MAST4: variants seen among roughly 807,000 people sequenced by gnomAD.
The protein encoded by MAST4 is microtubule associated serine/threonine kinase family member 4.
In MAST4, 89 loss-of-function variants were observed where a neutral mutation model predicts 162.7. The ratio of observed to expected loss-of-function variants is 0.55; its 90% confidence interval spans 0.46 to 0.65. The LOEUF is 0.65. MAST4 is among the 30% of genes least tolerant of loss of function. MAST4 has a pLI of 0.00. For missense variants in MAST4, 3,153 were observed against 3,374.0 expected (o/e 0.93, Z 1.62); for synonymous variants, 1,479 against 1,361.1 (o/e 1.09, Z -1.91).
intron 2 of MAST4, 132 bp from the exon 3 acceptor site, chr5:66,788,538 T>C: frequency 8.3e-7 from 1 of 1,198,522 alleles, no homozygotes; most frequent in Non-Finnish European, 1.2e-6. Context: ...GCTATTAATG[T>C]TATTACTGGG....
Position 67,165,142 on chromosome 5 carries a change from C to T in MAST4, c.5963C>T (p.Ala1988Val), listed in dbSNP as rs374086508. The part of the protein sequence containing the change: ...PPTARSERSA[A>V]RADTCREPSM... ...ACAGCCAGAAGCGAGCGCTCTGCTG[C>T]GAGGGCTGACACATGCAGAGAGCCC... Residue 1988 changes from alanine to valine, a missense_variant, in exon 29 of 29, where the codon GCG becomes GTG. Ala to Val is a moderately conservative substitution (Grantham distance 64). Around this residue, in one of 7 missense-constraint regions of MAST4, gnomAD observed 1,644 missense variants for 1,495.0 expected, o/e 1.10. Coordinates refer to ENST00000403625, the MANE Select transcript of MAST4 (RefSeq NM_001164664.2). The T allele has an allele frequency of 6.3e-6, 10 of 1,591,736 alleles. No individual in the cohort carries two copies. In the East Asian group the frequency reaches 9.1e-5, roughly 15 times the overall value.
intron 3 of MAST4, among the ~76,000 whole-genome samples, chr5:66,850,021 A>T (rs1198164546): frequency 6.6e-6 from 1 of 152,214 alleles, no homozygotes; most frequent in Non-Finnish European, 1.5e-5. Flanking sequence ...AAGATGATGA[A>T]TTCTGGATTC....
intron 19 of MAST4, among the ~76,000 whole-genome samples, chr5:67,140,262 C>G (rs1010399877): frequency 2.0e-5 from 3 of 152,242 alleles, no homozygotes; most frequent in African/African-American, 7.2e-5. Flanking sequence ...ACCGTGCTGA[C>G]GACCTCCATG....
In MAST4 at chr5:67,131,969, A is replaced by G; in HGVS notation, c.2093+18A>G. ...CCAGACAAGTATGTACACAAATGAA[A>G]TATATGTCTTCTTTTGCCCAATACA... On this transcript the variant is annotated intron_variant, in intron 16 of 28. Transcript: ENST00000403625. The G allele has an allele frequency of 6.2e-7, 1 of 1,606,104 alleles. No individual in the cohort carries two copies. Among genetic ancestry groups the G allele is most frequent in the Non-Finnish European group, 8.5e-7 (1 of 1,175,264 alleles).
chr5:66,844,912 T>C (rs1476208472), intron 3 of MAST4, among the ~76,000 whole-genome samples: 1 of 151,432 alleles, frequency 6.6e-6, no homozygotes, highest in Non-Finnish European at 1.5e-5. Context: ...AGGATACATA[T>C]GAGCTTGGAG....
chr5:66,684,636 A>G (rs984874952), intron 1 of MAST4, among the ~76,000 whole-genome samples: 1 of 152,214 alleles, frequency 6.6e-6, no homozygotes, highest in African/African-American at 2.4e-5. Context: ...TGCCAGTCAC[A>G]TGTCTAATTA....
chr5:66,980,368 A>G (rs1748643948), intron 4 of MAST4, among the ~76,000 whole-genome samples: 1 of 152,222 alleles, frequency 6.6e-6, no homozygotes, highest in African/African-American at 2.4e-5. Flanking sequence ...AAAAAGGATA[A>G]GCAAGACCTC....
At chr5:66,690,204 T>C (rs2054508472) in intron 1 of MAST4, among the ~76,000 whole-genome samples, 1 of 152,128 alleles carries the variant, frequency 6.6e-6, no homozygotes, top group South Asian at 2.1e-4. Context: ...CATACTTGCC[T>C]TGTTTGCCGC....
At chr5:66,949,699 T>C (rs866813505) in intron 4 of MAST4, among the ~76,000 whole-genome samples, 2 of 152,210 alleles carry the variant, frequency 1.3e-5, no homozygotes, top group Non-Finnish European at 2.9e-5. Context: ...TTTTCTGTTA[T>C]ACTTAGGGTT....
chr5:66,899,884 A>G (rs1174819985), intron 3 of MAST4, 67 bp from the exon 4 acceptor site: 48 of 1,258,296 alleles, frequency 3.8e-5, no homozygotes, highest in Non-Finnish European at 4.8e-5. Context: ...TACGTTATCC[A>G]TTTGGTATCC....
chr5:66,600,902 C>A (rs569946790), intron 1 of MAST4, among the ~76,000 whole-genome samples: 1 of 152,166 alleles, frequency 6.6e-6, no homozygotes, highest in African/African-American at 2.4e-5. Context: ...ATTTCCAACT[C>A]AACAAGAGAC....
intron 26 of MAST4, among the ~76,000 whole-genome samples, chr5:67,154,351 C>T (rs1197430514): frequency 6.6e-6 from 1 of 152,198 alleles, no homozygotes; most frequent in Non-Finnish European, 1.5e-5. Context: ...TATCATATGT[C>T]TGTTCACAAC....
chr5:66,630,534 A>G (rs1418695826), intron 1 of MAST4, among the ~76,000 whole-genome samples: 2 of 152,190 alleles, frequency 1.3e-5, no homozygotes, highest in African/African-American at 4.8e-5. Context: ...AGTTTAATAT[A>G]GGTTATAAAA....
rs1773810445 is a variant in MAST4 at position 67,165,600 on chromosome 5, A to G, written c.6421A>G (p.Lys2141Glu). Residue 2141 changes from lysine to glutamate, a missense_variant, in exon 29 of 29, where the codon AAA (lysine) becomes GAA (glutamate). This residue lies in a region of MAST4 where 1,644 missense variants were observed against 1,495.0 expected (regional missense o/e 1.10). Coordinates refer to ENST00000403625, the MANE Select transcript of MAST4 (RefSeq NM_001164664.2). ...SSIPPPPLTA[K>E]DLSSPAARQH... ...CATCCCTCCGCCCCCTCTGACGGCC[A>G]AAGACCTGTCCAGCCCGGCTGCCAG... 2 of 1,613,670 alleles carry G rather than the reference A, an allele frequency of 1.2e-6. No individual in the cohort carries two copies. Among genetic ancestry groups the G allele is most frequent in the Middle Eastern group, 1.6e-4 (1 of 6,084 alleles).
At chr5:66,902,261 T>G (rs1460398293) in intron 4 of MAST4, among the ~76,000 whole-genome samples, 2 of 152,326 alleles carry the variant, frequency 1.3e-5, no homozygotes, top group African/African-American at 4.8e-5. Context: ...TTAGAGAGTG[T>G]GTACCTTGAT....
intron 1 of MAST4, among the ~76,000 whole-genome samples, chr5:66,739,826 T>C (rs1054528157): frequency 2.0e-5 from 3 of 150,712 alleles, no homozygotes; most frequent in Admixed American, 6.7e-5. Flanking sequence ...CCAAGCAGGA[T>C]GTTATTTTCC....
At chr5:66,737,205 AC>A (rs1752207573) in intron 1 of MAST4, among the ~76,000 whole-genome samples, 1 of 152,094 alleles carries the variant, frequency 6.6e-6, no homozygotes, top group South Asian at 2.1e-4. Flanking sequence ...TGATGGTTTG[AC>A]TGGGGCTGCA....
chr5:66,684,538 T>C (rs1748523902), intron 1 of MAST4, among the ~76,000 whole-genome samples: 1 of 152,198 alleles, frequency 6.6e-6, no homozygotes, highest in Admixed American at 6.5e-5. Flanking sequence ...TATATATGCA[T>C]TGTGAATGTG....
chr5:66,793,398 T>G (rs974364461), intron 3 of MAST4, among the ~76,000 whole-genome samples: 1 of 152,244 alleles, frequency 6.6e-6, no homozygotes, highest in Non-Finnish European at 1.5e-5. Context: ...CCCATTTGCT[T>G]CTTCCATCTT....
Sources: gnomAD v4.1 joint callset for allele counts (sites outside exome capture counted in the v4.1 genomes callset) on GRCh38, gnomAD v4.1.1 for gene constraint, gnomAD v4.1.1 regional missense constraint, MANE v1.5 for transcripts, NCBI Gene and HGNC (gene_info 2026-07-23, HGNC 2026-07-21) for gene names.